Variants in TUBB4A observed in about 807,000 individuals in gnomAD.
TUBB4A encodes tubulin beta 4A class IVa.
In TUBB4A, 13 loss-of-function variants were observed where a neutral mutation model predicts 35.1. The ratio of observed to expected loss-of-function variants is 0.37; its 90% CI spans 0.24 to 0.59. TUBB4A has a LOEUF of 0.59. Ranked by LOEUF, TUBB4A falls within the 20% of genes least tolerant of loss-of-function variation. The pLI is 0.71. For missense variants in TUBB4A, 299 were observed against 647.2 expected, an observed-to-expected ratio of 0.46 and a Z score of 5.84; for synonymous variants, 279 against 272.4, an observed-to-expected ratio of 1.02 and a Z score of -0.24.
Position 6,499,236 on chromosome 19 carries a change from C to T in TUBB4A, c.277+2051G>A, listed in dbSNP as rs141893796. Among the ~76,000 whole-genome samples, 239 of 151,714 alleles carry T rather than the reference C, an allele frequency of 1.6e-3. 1 individual carries two copies. Among genetic ancestry groups the T allele is most frequent in the Middle Eastern group, 3.4e-3 (1 of 294 alleles). On this transcript the variant is annotated intron_variant, in intron 3 of 3. Transcript: ENST00000264071. ...CCAGCTACTCGTGAGGCAGGAGAATCGCTTGAATCTGGGAGGTGGAGGTTG... is the reference window on the plus strand; with the variant it reads ...CCAGCTACTCGTGAGGCAGGAGAATTGCTTGAATCTGGGAGGTGGAGGTTG...
At chr19:6,498,640 CT>C (rs1483016511) in intron 3 of TUBB4A, among the ~76,000 whole-genome samples, 6 of 152,204 alleles carry the variant, frequency 3.9e-5, no homozygotes, top group Non-Finnish European at 7.3e-5. Flanking sequence ...GCTTAGAATG[CT>C]TTCCCCCCAG....
chr19:6,497,024 AATATATATATATATATATAT>A (rs1192524805), intron 3 of TUBB4A, among the ~76,000 whole-genome samples: 1,486 of 21,978 alleles, frequency 0.068, 81 homozygotes, highest in Non-Finnish European at 0.087. Flanking sequence ...AAAAAAAAAA[AATATATATATATATATATAT>A]ATATATATAT....
At chr19:6,502,327 G>C, upstream of TUBB4A, 1 of 1,235,630 alleles carries the variant, frequency 8.1e-7, no homozygotes, top group Non-Finnish European at 1.1e-6. Context: ...GCGCCCCCGG[G>C]AGCCGCTATA....
Position 6,495,688 on chromosome 19 carries a change from C to T in TUBB4A, c.811G>A (p.Ala271Thr), listed in dbSNP as rs587777074. 1.9e-6 allele frequency: 3 copies of T among 1,614,014 alleles called. No homozygotes were observed. The highest frequency in any genetic ancestry group is 2.2e-5 in the South Asian group (2 of 91,080). Residue 271 changes from alanine (A) to threonine (T), a missense_variant, in exon 4 of 4, where the codon GCA (alanine) becomes ACA (threonine). Ala to Thr is a moderately conservative substitution (Grantham distance 58, BLOSUM62 0). Transcript: ENST00000264071. This position sits in a 1 kb window ranked among gnomAD's most constrained non-coding sequence, Gnocchi z 8.7. ...PRLHFFMPGF[A>T]PLTSRGSQQY... ...TGGCTGCCCCGGCTGGTCAGGGGTGCGAAGCCGGGCATGAAGAAGTGCAGG... is the reference window on the plus strand; with the variant it reads ...TGGCTGCCCCGGCTGGTCAGGGGTGTGAAGCCGGGCATGAAGAAGTGCAGG...
At chr19:6,497,057 AT>A (rs1568410590) in intron 3 of TUBB4A, among the ~76,000 whole-genome samples, 3 of 95,542 alleles carry the variant, frequency 3.1e-5, no homozygotes, top group African/African-American at 1.2e-4. Context: ...ATATATATAT[AT>A]ATATATAAAT....
intron 3 of TUBB4A, among the ~76,000 whole-genome samples, chr19:6,498,805 T>C (rs1914396329): frequency 6.6e-6 from 1 of 152,230 alleles, no homozygotes; most frequent in African/African-American, 2.4e-5. Flanking sequence ...TGTGTGACCT[T>C]GGACAAGTGA....
chr19:6,502,216 G>A lies in TUBB4A; in HGVS notation c.-4C>T. 1 of 1,552,988 alleles carries A rather than the reference G, an allele frequency of 6.4e-7. No individual in the cohort carries two copies. The highest frequency in any genetic ancestry group is 8.6e-7 in the Non-Finnish European group (1 of 1,157,946). On this transcript the variant is annotated 5_prime_UTR_variant, in exon 1 of 4. Coordinates refer to ENST00000264071, the MANE Select transcript of TUBB4A (RefSeq NM_006087.4). ...GCAGGTGCACGATCTCCCGCATGGC[G>A]GTGGCGCTGAGGGTGGACGCGGCGG...
upstream of TUBB4A, chr19:6,502,575 C>T: frequency 4.2e-6 from 1 of 239,692 alleles, no homozygotes; most frequent in Non-Finnish European, 8.0e-6. Context: ...GCTTGGCCAC[C>T]CGCAGAAATT....
rs1466281671 is a variant in TUBB4A, at chr19:6,495,063, G to GCCTT, written c.*97_*100dup. ...TATTGTTAGGGTCAGCGGGGAGTCA[G>GCCTT]CCTTGGAGGGAAAGCGGGGCTCTAG... On this transcript the variant is annotated 3_prime_UTR_variant, in exon 4 of 4. Transcript: ENST00000264071. This position sits in a 1 kb window ranked among gnomAD's most constrained non-coding sequence, Gnocchi z 8.7. 2 of 1,422,594 alleles carry GCCTT rather than the reference G, an allele frequency of 1.4e-6. No individual in the cohort carries two copies. The highest frequency in any genetic ancestry group is 4.8e-5 in the East Asian group (2 of 41,892). 88.1% of individuals were successfully genotyped at this position (1,422,594 alleles called of 1,614,324 possible).
At chr19:6,500,714 T>A (rs1016516793) in intron 3 of TUBB4A, 1 of 134,778 alleles carries the variant, frequency 7.4e-6, no homozygotes, top group Admixed American at 8.4e-5. Context: ...CACTCTAGCC[T>A]GGGTGACAGC....
At chr19:6,497,057 ATATATAT>A (rs1568410591) in intron 3 of TUBB4A, among the ~76,000 whole-genome samples, 2 of 95,542 alleles carry the variant, frequency 2.1e-5, no homozygotes, top group African/African-American at 4.0e-5. Context: ...ATATATATAT[ATATATAT>A]AAATTAGCCA....
At position 6,501,378 on chromosome 19, in the gene TUBB4A, T is replaced by C; in HGVS notation, c.186A>G (p.Arg62=). ...NEATGGNYVP[R]AVLVDLEPGT... is the part of the protein sequence containing the mutation. ...CGGGTTCCAGGTCCACCAGCACCGC[T>C]CTGGGGACATAATTTCCTCCTGCAG... The change falls in exon 3 of 4, where the codon AGA becomes AGG. Residue 62 remains arginine (R), a synonymous_variant. Transcript: ENST00000264071. This position sits in a 1 kb window ranked among gnomAD's most constrained non-coding sequence, Gnocchi z 4.2. 1 of 1,613,816 alleles carries C rather than the reference T, an allele frequency of 6.2e-7. No individual in the cohort carries two copies.
At position 6,495,105 on chromosome 19, in the gene TUBB4A, G is replaced by A. The variant is rs1293238312; in HGVS notation, c.*59C>T. On this transcript the variant is annotated 3_prime_UTR_variant, in exon 4 of 4. Transcript: ENST00000264071. The surrounding 1 kb of genome is among the most constrained non-coding windows in gnomAD (Gnocchi z 8.7). ...GGGCTCTAGGGTTCAGAGATGGGGGGCCTAGCGGATCAAAGGTCAGAAGCC... is the reference window on the plus strand; with the variant it reads ...GGGCTCTAGGGTTCAGAGATGGGGGACCTAGCGGATCAAAGGTCAGAAGCC... 3.8e-6 allele frequency: 6 copies of A among 1,585,922 alleles called. No individual in the cohort carries two copies. In the East Asian group the frequency reaches 9.0e-5, roughly 24 times the overall value.
intron 3 of TUBB4A, among the ~76,000 whole-genome samples, chr19:6,496,626 G>A (rs1055396398): frequency 3.7e-4 from 44 of 119,676 alleles, no homozygotes; most frequent in East Asian, 2.1e-3. Flanking sequence ...GCGAGACTCC[G>A]TCTCAAAATA....
At position 6,501,150 on chromosome 19, in the gene TUBB4A, C is replaced by T. The variant is rs904192911; in HGVS notation, c.277+137G>A. 2.4e-5 allele frequency: 16 copies of T among 665,466 alleles called. No homozygotes were observed. In the African/African-American group the frequency reaches 2.5e-4, roughly 11 times the overall value. 41.2% of individuals were successfully genotyped at this position (665,466 alleles called of 1,614,324 possible). A position where few individuals can be genotyped will look rare whatever the true frequency, so the allele number is the denominator to read the frequency against. On this transcript the variant is annotated intron_variant, in intron 3 of 3. Transcript: ENST00000264071. The surrounding 1 kb of genome is among the most constrained non-coding windows in gnomAD (Gnocchi z 4.2). ...GGCCTGAGCATCCCCTCATCACAGC[C>T]CTGGATGCAGGGCTGGTGCCTGGTG...
chr19:6,497,351 T>C (rs552674619), intron 3 of TUBB4A, among the ~76,000 whole-genome samples: 18 of 151,718 alleles, frequency 1.2e-4, no homozygotes, highest in African/African-American at 4.4e-4. Flanking sequence ...AGCCTTGACT[T>C]CCCAGGTTCA....
In TUBB4A at chr19:6,495,193, C is replaced by G. The variant is rs775309721; in HGVS notation, c.1306G>C (p.Glu436Gln). 1 of 1,613,960 alleles carries G rather than the reference C, an allele frequency of 6.2e-7. No individual in the cohort carries two copies. The highest frequency in any genetic ancestry group is 1.1e-5 in the South Asian group (1 of 91,080). Residue 436 changes from glutamate to glutamine, a missense_variant, in exon 4 of 4, where the codon GAG becomes CAG. Around this residue, in one of 5 missense-constraint regions of TUBB4A, gnomAD observed 125 missense variants for 279.1 expected, o/e 0.45. Coordinates refer to ENST00000264071, the MANE Select transcript of TUBB4A (RefSeq NM_006087.4). This position sits in a 1 kb window ranked among gnomAD's most constrained non-coding sequence, Gnocchi z 8.7. ...QDATAEEGEF[E>Q]EEAEEEVA is the part of the protein sequence containing the mutation. ...GCCACCTCCTCCTCCGCCTCCTCCT[C>G]GAACTCGCCCTCCTCGGCCGTGGCG...
rs371023933 is a variant in TUBB4A, at chr19:6,502,221, C to T, written c.-9G>A. ...TGCACGATCTCCCGCATGGCGGTGGCGCTGAGGGTGGACGCGGCGGCGGTG... is the reference window on the plus strand; with the variant it reads ...TGCACGATCTCCCGCATGGCGGTGGTGCTGAGGGTGGACGCGGCGGCGGTG... On this transcript the variant is annotated 5_prime_UTR_variant, in exon 1 of 4. Coordinates refer to ENST00000264071, the MANE Select transcript of TUBB4A (RefSeq NM_006087.4). The T allele has an allele frequency of 1.1e-5, 17 of 1,542,532 alleles. No homozygotes were observed. Among genetic ancestry groups the T allele is most frequent in the Non-Finnish European group, 1.5e-5 (17 of 1,153,284 alleles).
Position 6,495,182 on chromosome 19 carries a change from C to G in TUBB4A, c.1317G>C (p.Ala439=). 4 of 1,613,844 alleles carry G rather than the reference C, an allele frequency of 2.5e-6. 1 individual carries two copies. The highest frequency in any genetic ancestry group is 3.4e-6 in the Non-Finnish European group (4 of 1,179,846). ...TAEEGEFEEE[A]EEEVA ...GAGCAGCCTAGGCCACCTCCTCCTC[C>G]GCCTCCTCCTCGAACTCGCCCTCCT... is the stretch of plus-strand genomic sequence containing the variant. The change falls in exon 4 of 4, where the codon GCG becomes GCC. Residue 439 remains alanine (A), a synonymous_variant. Coordinates refer to ENST00000264071, the MANE Select transcript of TUBB4A (RefSeq NM_006087.4). The surrounding 1 kb of genome is among the most constrained non-coding windows in gnomAD (Gnocchi z 8.7).
Sources: gnomAD v4.1 joint callset for allele counts (sites outside exome capture counted in the v4.1 genomes callset) on GRCh38, gnomAD v4.1.1 for gene constraint, gnomAD v4.1.1 regional missense constraint, Gnocchi (gnomAD v3.1) non-coding constraint, MANE v1.5 for transcripts, NCBI Gene and HGNC (gene_info 2026-07-23, HGNC 2026-07-21) for gene names.